The following TMC5 variants were observed in gnomAD, a reference collection of about 807,000 sequenced individuals.
TMC5 encodes transmembrane channel like 5.
In TMC5, 86 loss-of-function variants were observed where a neutral mutation model predicts 110.5. The ratio of observed to expected loss-of-function variants is 0.78; its 90% CI spans 0.65 to 0.93. TMC5 has a LOEUF of 0.93. Ranked by LOEUF, TMC5 falls within the 40% of genes least tolerant of loss-of-function variation. The pLI is 0.00. For synonymous variants in TMC5, 455 were observed against 439.5 expected, an observed-to-expected ratio of 1.04 and a Z score of -0.44; for missense variants, 1,144 against 1,222.8, an observed-to-expected ratio of 0.94 and a Z score of 0.96.
chr16:19,477,302 C>A, intron 12 of TMC5, 138 bp from the exon 13 acceptor site: 1 of 659,430 alleles, frequency 1.5e-6, no homozygotes, highest in Admixed American at 2.6e-5. Flanking sequence ...AATTCATTCA[C>A]TGGAACTAGC....
chr16:19,467,164 A>G (rs1480013572), intron 9 of TMC5, among the ~76,000 whole-genome samples: 4 of 152,024 alleles, frequency 2.6e-5, no homozygotes, highest in Admixed American at 2.6e-4. Flanking sequence ...AGAGAGAAAG[A>G]AAGAAAAGCA....
At chr16:19,474,008 A>G in intron 11 of TMC5, 117 bp from the exon 12 acceptor site, 1 of 957,624 alleles carries the variant, frequency 1.0e-6, no homozygotes, top group Non-Finnish European at 1.5e-6. Context: ...AAATAGATAA[A>G]TAGTTAACCG....
At chr16:19,426,713 A>G (rs953795841) in intron 1 of TMC5, among the ~76,000 whole-genome samples, 3 of 152,214 alleles carry the variant, frequency 2.0e-5, no homozygotes, top group African/African-American at 7.2e-5. Context: ...TTTTGCTTTA[A>G]AAAGCAATTT....
At chr16:19,431,520 C>A (rs1461208168) in intron 2 of TMC5, among the ~76,000 whole-genome samples, 1 of 147,462 alleles carries the variant, frequency 6.8e-6, no homozygotes, top group Non-Finnish European at 1.5e-5. Context: ...CCAGCCTGGG[C>A]AACAGGAGGG....
intron 5 of TMC5, among the ~76,000 whole-genome samples, chr16:19,451,064 G>C (rs1967737190): frequency 6.6e-6 from 1 of 152,166 alleles, no homozygotes; most frequent in African/African-American, 2.4e-5. Flanking sequence ...AGCCTGGGAG[G>C]TTGAGGCTGC....
intron 6 of TMC5, among the ~76,000 whole-genome samples, chr16:19,460,921 C>T (rs781416342): frequency 6.6e-6 from 1 of 150,680 alleles, no homozygotes; most frequent in Non-Finnish European, 1.5e-5. Context: ...TTTGGGAGGC[C>T]AAGGTGGTGG....
chr16:19,467,129 G>A (rs554310261), intron 9 of TMC5, among the ~76,000 whole-genome samples: 1 of 152,080 alleles, frequency 6.6e-6, no homozygotes, highest in South Asian at 2.1e-4. Context: ...CTGAGCAACT[G>A]GAGATCCTGT....
chr16:19,431,601 G>T (rs183777440), intron 2 of TMC5, among the ~76,000 whole-genome samples: 28 of 151,754 alleles, frequency 1.8e-4, no homozygotes, highest in Non-Finnish European at 3.5e-4. Context: ...ATTGGACTTT[G>T]TGGCCTTGTT....
At chr16:19,482,151 C>G (rs978676744) in intron 15 of TMC5, among the ~76,000 whole-genome samples, 1 of 152,274 alleles carries the variant, frequency 6.6e-6, no homozygotes, top group Admixed American at 6.5e-5. Flanking sequence ...CCTCCGCCTC[C>G]TAGGTTCAAG....
chr16:19,442,763 G>A (rs532112033), intron 3 of TMC5, among the ~76,000 whole-genome samples: 4 of 152,288 alleles, frequency 2.6e-5, no homozygotes, highest in African/African-American at 7.2e-5. Flanking sequence ...ATAAAAAACT[G>A]GTGGCTTGTA....
intron 18 of TMC5, among the ~76,000 whole-genome samples, chr16:19,491,800 G>A (rs749899954): frequency 6.6e-6 from 1 of 152,128 alleles, no homozygotes; most frequent in Non-Finnish European, 1.5e-5. Flanking sequence ...GCCTCCCAAA[G>A]TGCTGGGATT....
intron 20 of TMC5, among the ~76,000 whole-genome samples, chr16:19,495,078 G>T (rs1413570570): frequency 4.6e-5 from 1 of 21,960 alleles, no homozygotes; most frequent in South Asian, 3.6e-3. Context: ...GCAGTGGCGG[G>T]ATCTCGGCGC....
At chr16:19,463,037 G>C (rs1968068093) in intron 6 of TMC5, among the ~76,000 whole-genome samples, 1 of 152,084 alleles carries the variant, frequency 6.6e-6, no homozygotes, top group Non-Finnish European at 1.5e-5. Context: ...AGCCTCTGGA[G>C]TAGCTGGGAC....
At chr16:19,483,723 A>G (rs1968669981) in intron 15 of TMC5, among the ~76,000 whole-genome samples, 1 of 151,752 alleles carries the variant, frequency 6.6e-6, no homozygotes, top group Non-Finnish European at 1.5e-5. Context: ...GGTTGCAGTG[A>G]GCCAAGATCA....
In TMC5 at chr16:19,490,436, C is replaced by G. The variant is rs964256444; in HGVS notation, c.2615C>G (p.Pro872Arg). ...SADCGPFRGL[P>R]LFIHSIYSWI... ...GACTGTGGCCCTTTTCGAGGTCTGC[C>G]TCTCTTCATTCACTCCATCTACAGC... The change falls in exon 18 of 22, where the codon CCT (proline) becomes CGT (arginine). Residue 872 changes from proline to arginine, a missense_variant. By Grantham distance (103) the Pro-to-Arg change is moderately radical. Transcript: ENST00000542583. 8.7e-6 allele frequency: 14 copies of G among 1,614,040 alleles called. No individual in the cohort carries two copies. The highest frequency in any genetic ancestry group is 2.7e-5 in the African/African-American group (2 of 74,906).
rs114037413 is a variant in TMC5 at position 19,427,923 on chromosome 16, T to A, written c.-307-2490T>A. Among the ~76,000 whole-genome samples, 499 of 152,358 alleles carry A rather than the reference T, an allele frequency of 3.3e-3. 3 individuals carry two copies. Among genetic ancestry groups the A allele is most frequent in the African/African-American group, 0.011 (476 of 41,592 alleles). ...TTCAAACAGAACATCAGCCCCTGAA[T>A]GCAAACATTGTACTGCGATTCAATT... On this transcript the variant is annotated intron_variant, in intron 1 of 21. Transcript: ENST00000542583.
intron 4 of TMC5, among the ~76,000 whole-genome samples, chr16:19,447,826 T>C (rs751639201): frequency 6.6e-4 from 101 of 152,016 alleles, no homozygotes; most frequent in Non-Finnish European, 1.3e-3. Flanking sequence ...AGTGCCGAAA[T>C]TACAGGCATA....
intron 15 of TMC5, 117 bp downstream of exon 15, chr16:19,481,582 C>G: frequency 1.3e-6 from 1 of 742,596 alleles, no homozygotes; most frequent in Non-Finnish European, 2.4e-6. Flanking sequence ...GATAACCCAT[C>G]CAGCCAGTCT....
chr16:19,424,574 G>A (rs56314258), intron 1 of TMC5, among the ~76,000 whole-genome samples: 20,255 of 152,164 alleles, frequency 0.13, 1,683 homozygotes, highest in East Asian at 0.21. Context: ...ACTTCAACCT[G>A]GGAGGCAGAG....
Sources: gnomAD v4.1 joint callset for allele counts (sites outside exome capture counted in the v4.1 genomes callset) on GRCh38, gnomAD v4.1.1 for gene constraint, MANE v1.5 for transcripts, NCBI Gene and HGNC (gene_info 2026-07-23, HGNC 2026-07-21) for gene names.